Variants in SMO observed in about 807,000 individuals in gnomAD.
The protein encoded by SMO is protein smoothened.
In SMO, 40 loss-of-function variants were observed where a neutral mutation model predicts 81.6. That is an observed-to-expected ratio of 0.49 (90% CI 0.38 to 0.64). SMO has a LOEUF of 0.64. SMO is among the 30% of genes least tolerant of loss of function. SMO has a pLI of 0.00. For synonymous variants in SMO, 434 were observed against 432.1 expected, an observed-to-expected ratio of 1.00 and a Z score of -0.05; for missense variants, 916 against 1,061.1, an observed-to-expected ratio of 0.86 and a Z score of 1.90.
At chr7:129,199,186 T>TC (rs1259579613) in intron 1 of SMO, among the ~76,000 whole-genome samples, 2 of 149,714 alleles carry the variant, frequency 1.3e-5, no homozygotes, top group African/African-American at 4.9e-5. Flanking sequence ...TCTTTTCTTT[T>TC]TTTTTTTTTT....
chr7:129,208,657 G>A lies in SMO; in HGVS notation c.1265-102G>A. 1 of 708,888 alleles carries A rather than the reference G, an allele frequency of 1.4e-6. No individual in the cohort carries two copies. The highest frequency in any genetic ancestry group is 1.7e-5 in the African/African-American group (1 of 57,244). The allele number at this position is 708,888 out of a possible 1,614,324, so 43.9% of individuals were successfully genotyped here. A position where few individuals can be genotyped will look rare whatever the true frequency, so the allele number is the denominator to read the frequency against. ...TTTTCATTTAGCACAGGGGTAATCA[G>A]ACTTGGGACTCCAGAGCCTTAGGAC... On this transcript the variant is annotated intron_variant, in intron 6 of 11. Coordinates refer to ENST00000249373, the MANE Select transcript of SMO (RefSeq NM_005631.5). The surrounding 1 kb of genome is among the most constrained non-coding windows in gnomAD (Gnocchi z 5.2).
chr7:129,211,967 G>A lies in SMO; in HGVS notation c.1937-57G>A, dbSNP rs747238499. On this transcript the variant is annotated intron_variant, in intron 11 of 11. Coordinates refer to ENST00000249373, the MANE Select transcript of SMO (RefSeq NM_005631.5). The surrounding 1 kb of genome is among the most constrained non-coding windows in gnomAD (Gnocchi z 4.6). ...ACAGGTTAAGTGCTCCCAGGGGAGC[G>A]GGGGTGGCATGGACAGAGCCAGGGC... 8.7e-6 allele frequency: 13 copies of A among 1,497,708 alleles called. No homozygotes were observed. The highest frequency in any genetic ancestry group is 1.4e-5 in the African/African-American group (1 of 71,994). 92.8% of individuals were successfully genotyped at this position (1,497,708 alleles called of 1,614,324 possible).
At chr7:129,200,719 TAC>T (rs1793655053) in intron 1 of SMO, among the ~76,000 whole-genome samples, 2 of 151,992 alleles carry the variant, frequency 1.3e-5, no homozygotes, top group African/African-American at 2.4e-5. Context: ...TGAGAAAAAT[TAC>T]AGTTTTTTTT....
At position 129,210,986 on chromosome 7, in the gene SMO, T is replaced by C. The variant is rs1412566324; in HGVS notation, c.1674T>C (p.Asp558=). The C allele has an allele frequency of 1.9e-6, 3 of 1,611,988 alleles. No homozygotes were observed. Among genetic ancestry groups the C allele is most frequent in the East Asian group, 2.2e-5 (1 of 44,872 alleles). Residue 558 remains aspartate, a synonymous_variant, in exon 10 of 12, where the codon GAT becomes GAC. Transcript: ENST00000249373. This position sits in a 1 kb window ranked among gnomAD's most constrained non-coding sequence, Gnocchi z 4.7. ...TCAGGTTGACTGGGCAGAGTGACGA[T>C]GAGCCAAAGCGGATCAAGAAGAGCA... is the stretch of plus-strand genomic sequence containing the variant. ...TWCRLTGQSD[D]EPKRIKKSKM...
rs1282825417 is a variant in SMO at position 129,208,236 on chromosome 7, T to C, written c.1265-523T>C. ...GGGAGGCCGAGGTGGGCAGATCACC[T>C]GAGTTCAGGAGTTCAAGACCATCCT... On this transcript the variant is annotated intron_variant, in intron 6 of 11. Coordinates refer to ENST00000249373, the MANE Select transcript of SMO (RefSeq NM_005631.5). This position sits in a 1 kb window ranked among gnomAD's most constrained non-coding sequence, Gnocchi z 5.2. Among the ~76,000 whole-genome samples, 1 of 152,176 alleles carries C rather than the reference T, an allele frequency of 6.6e-6. No individual in the cohort carries two copies. Among genetic ancestry groups the C allele is most frequent in the East Asian group, 1.9e-4 (1 of 5,174 alleles).
At position 129,209,327 on chromosome 7, in the gene SMO, A is replaced by G. The variant is rs867910815; in HGVS notation, c.1396A>G (p.Thr466Ala). Residue 466 changes from threonine (T) to alanine (A), a missense_variant, in exon 8 of 12, where the codon ACC becomes GCC. Around this residue, in one of 4 missense-constraint regions of SMO, gnomAD observed 436 missense variants for 570.9 expected, o/e 0.76. Coordinates refer to ENST00000249373, the MANE Select transcript of SMO (RefSeq NM_005631.5). Reference sequence around the variant, plus strand: ...CCTGGCCTTTGGCTTTGTGCTCATTACCTTCAGCTGCCACTTCTACGACTT... The same window carrying G: ...CCTGGCCTTTGGCTTTGTGCTCATTGCCTTCAGCTGCCACTTCTACGACTT... ...GFLAFGFVLI[T>A]FSCHFYDFFN... 1 of 1,613,670 alleles carries G rather than the reference A, an allele frequency of 6.2e-7. No homozygotes were observed. The highest frequency in any genetic ancestry group is 8.5e-7 in the Non-Finnish European group (1 of 1,179,898).
In SMO at chr7:129,206,451, C is replaced by G; in HGVS notation, c.1141-13C>G. The G allele has an allele frequency of 2.5e-6, 4 of 1,613,964 alleles. No individual in the cohort carries two copies. The East Asian group carries it at 8.9e-5, about 36-fold the overall frequency. On this transcript the variant is annotated splice_polypyrimidine_tract_variant and intron_variant, in intron 5 of 11. Transcript: ENST00000249373. The surrounding 1 kb of genome is among the most constrained non-coding windows in gnomAD (Gnocchi z 4.4). Reference sequence around the variant, plus strand: ...CAGTAACCCACCTTCTGTCCCACCCCTTCCTGCTGCAGGTGGATGGGGACT... The same window carrying G: ...CAGTAACCCACCTTCTGTCCCACCCGTTCCTGCTGCAGGTGGATGGGGACT...
chr7:129,206,094 C>A lies in SMO; in HGVS notation c.921-56C>A, dbSNP rs2150649688. 7.3e-7 allele frequency: 1 copy of A among 1,367,306 alleles called. No individual in the cohort carries two copies. Among genetic ancestry groups the A allele is most frequent in the Non-Finnish European group, 1.0e-6 (1 of 985,382 alleles). The allele number at this position is 1,367,306 out of a possible 1,614,324, so 84.7% of individuals were successfully genotyped here. A position where few individuals can be genotyped will look rare whatever the true frequency, so the allele number is the denominator to read the frequency against. On this transcript the variant is annotated intron_variant, in intron 4 of 11. Coordinates refer to ENST00000249373, the MANE Select transcript of SMO (RefSeq NM_005631.5). This position sits in a 1 kb window ranked among gnomAD's most constrained non-coding sequence, Gnocchi z 4.4. ...GGGTCTGGGCACAGGGTGGGGAGAC[C>A]AGGTAGAGGGAGTACAGAGTGACCG...
chr7:129,194,909 G>A (rs548681893), intron 1 of SMO, among the ~76,000 whole-genome samples: 4 of 152,224 alleles, frequency 2.6e-5, no homozygotes, highest in African/African-American at 9.6e-5. Context: ...CGCCTCCCAG[G>A]TAGCTGGGAC....
intron 1 of SMO, among the ~76,000 whole-genome samples, chr7:129,192,479 G>C (rs1274262396): frequency 6.6e-6 from 1 of 152,204 alleles, no homozygotes; most frequent in East Asian, 1.9e-4. Flanking sequence ...TTGCATTTTA[G>C]CTGGATCTCT....
At chr7:129,194,653 T>C (rs186687448) in intron 1 of SMO, among the ~76,000 whole-genome samples, 13 of 152,360 alleles carry the variant, frequency 8.5e-5, no homozygotes, top group African/African-American at 2.9e-4. Context: ...TTGCATGTTT[T>C]TGAACTCTGT....
At chr7:129,196,520 A>G (rs576208142) in intron 1 of SMO, among the ~76,000 whole-genome samples, 63 of 150,884 alleles carry the variant, frequency 4.2e-4, no homozygotes, top group African/African-American at 1.4e-3. Flanking sequence ...ATTAACTTGG[A>G]AAAAAAAAGA....
intron 1 of SMO, among the ~76,000 whole-genome samples, chr7:129,197,644 A>G (rs1414500797): frequency 2.0e-5 from 3 of 151,708 alleles, no homozygotes; most frequent in African/African-American, 4.8e-5. Context: ...AGCCAGGTCA[A>G]TTTCCTGACC....
rs925643027 is a variant in SMO at position 129,189,227 on chromosome 7, C to T, written c.76C>T (p.Pro26Ser). The T allele has an allele frequency of 1.3e-5, 15 of 1,178,140 alleles. No homozygotes were observed. The highest frequency in any genetic ancestry group is 1.6e-5 in the Non-Finnish European group (15 of 940,942). 73.0% of individuals were successfully genotyped at this position (1,178,140 alleles called of 1,614,324 possible). Reference protein sequence around the residue: ...GLLLLLLLGDPGRGAASSGNA... With the variant: ...GLLLLLLLGDSGRGAASSGNA... ...GCTGCTGCTGCTGCTGCTGGGGGAC[C>T]CGGGCCGGGGGGCGGCCTCGAGCGG... is the stretch of plus-strand genomic sequence containing the variant. Residue 26 changes from proline to serine, a missense_variant, in exon 1 of 12, where the codon CCG (proline) becomes TCG (serine). By Grantham distance (74) the Pro-to-Ser change is moderately conservative. Around this residue, in one of 4 missense-constraint regions of SMO, gnomAD observed 146 missense variants for 149.9 expected, o/e 0.97. Coordinates refer to ENST00000249373, the MANE Select transcript of SMO (RefSeq NM_005631.5). The surrounding 1 kb of genome is among the most constrained non-coding windows in gnomAD (Gnocchi z 4.7).
chr7:129,201,333 C>T (rs1474875413), intron 1 of SMO, among the ~76,000 whole-genome samples: 5 of 152,158 alleles, frequency 3.3e-5, no homozygotes, highest in Non-Finnish European at 7.3e-5. Context: ...TTTGAGCCAC[C>T]ATGCCCAGCC....
At chr7:129,193,750 C>T in intron 1 of SMO, among the ~76,000 whole-genome samples, 1 of 69,788 alleles carries the variant, frequency 1.4e-5, no homozygotes, top group South Asian at 6.4e-4. Context: ...CAGACCGAGA[C>T]TCCATCTCAA....
At position 129,206,325 on chromosome 7, in the gene SMO, T is replaced by C. The variant is rs1793765102; in HGVS notation, c.1096T>C (p.Ser366Pro). The C allele has an allele frequency of 1.2e-6, 2 of 1,614,134 alleles. No individual in the cohort carries two copies. The highest frequency in any genetic ancestry group is 1.7e-6 in the Non-Finnish European group (2 of 1,180,026). The change falls in exon 5 of 12, where the codon TCA becomes CCA. Residue 366 changes from serine to proline, a missense_variant. Transcript: ENST00000249373. The surrounding 1 kb of genome is among the most constrained non-coding windows in gnomAD (Gnocchi z 4.4). ...CTCCTACTTCCACCTGCTCACCTGG[T>C]CACTCCCCTTTGTCCTCACTGTGGC... is the stretch of plus-strand genomic sequence containing the variant. ...KTSYFHLLTW[S>P]LPFVLTVAIL...
chr7:129,189,662 A>T lies in SMO; in HGVS notation c.331+180A>T, dbSNP rs922772591. 2.0e-5 allele frequency among the ~76,000 whole-genome samples: 3 copies of T among 152,170 alleles called. No individual in the cohort carries two copies. The highest frequency in any genetic ancestry group is 7.2e-5 in the African/African-American group (3 of 41,438). On this transcript the variant is annotated intron_variant, in intron 1 of 11. Coordinates refer to ENST00000249373, the MANE Select transcript of SMO (RefSeq NM_005631.5). The surrounding 1 kb of genome is among the most constrained non-coding windows in gnomAD (Gnocchi z 4.7). ...TACGTGCAGGATGGGACCCTCGGTC[A>T]TGGGAAAAGGAGGGCAAGGAAGTTG... is the stretch of plus-strand genomic sequence containing the variant.
chr7:129,210,645 C>T lies in SMO; in HGVS notation c.1652+97C>T. Reference sequence around the variant, plus strand: ...TGTCGGGTCCTGCCTCTAGCACAGCCTTGGTCAGTGGTTCACCGCTGCCCC... The same window carrying T: ...TGTCGGGTCCTGCCTCTAGCACAGCTTTGGTCAGTGGTTCACCGCTGCCCC... On this transcript the variant is annotated intron_variant, in intron 9 of 11. Coordinates refer to ENST00000249373, the MANE Select transcript of SMO (RefSeq NM_005631.5). This position sits in a 1 kb window ranked among gnomAD's most constrained non-coding sequence, Gnocchi z 4.7. The T allele has an allele frequency of 9.8e-7, 1 of 1,021,564 alleles. No individual in the cohort carries two copies. The highest frequency in any genetic ancestry group is 1.5e-6 in the Non-Finnish European group (1 of 681,280). 63.3% of individuals were successfully genotyped at this position (1,021,564 alleles called of 1,614,324 possible).
Sources: gnomAD v4.1 joint callset for allele counts (sites outside exome capture counted in the v4.1 genomes callset) on GRCh38, gnomAD v4.1.1 for gene constraint, gnomAD v4.1.1 regional missense constraint, Gnocchi (gnomAD v3.1) non-coding constraint, MANE v1.5 for transcripts, NCBI Gene and HGNC (gene_info 2026-07-23, HGNC 2026-07-21) for gene names.